Variants in B3GNT2 observed in about 807,000 individuals in gnomAD.
The protein encoded by B3GNT2 is N-acetyllactosaminide beta-1,3-N-acetylglucosaminyltransferase 2.
Under a neutral mutation model 27.6 loss-of-function variants are expected in B3GNT2, and 12 were observed. The ratio of observed to expected loss-of-function variants is 0.44; its 90% confidence interval spans 0.28 to 0.71. B3GNT2 has a LOEUF of 0.71. Ranked by LOEUF, B3GNT2 falls within the 30% of genes least tolerant of loss-of-function variation. B3GNT2 has a pLI of 0.17. For missense variants in B3GNT2, 413 were observed against 488.5 expected (o/e 0.85, Z 1.46); for synonymous variants, 192 against 189.7 (o/e 1.01, Z -0.10).
intron 1 of B3GNT2, among the ~76,000 whole-genome samples, chr2:62,197,706 G>T (rs538898253): frequency 6.6e-6 from 1 of 152,204 alleles, no homozygotes. Flanking sequence ...GGTGGTAAAC[G>T]AGGTGGCCGA....
chr2:62,216,382 G>A (rs1323131032), intron 1 of B3GNT2, among the ~76,000 whole-genome samples: 1 of 151,538 alleles, frequency 6.6e-6, no homozygotes, highest in Non-Finnish European at 1.5e-5. Flanking sequence ...GGGGAGGAGG[G>A]ATCATAGCTT....
Position 62,215,286 on chromosome 2 carries a change from A to G in B3GNT2, c.-9-6926A>G, listed in dbSNP as rs374748535. ...CTGACAATAGTTCTGTGACTTACAGACTGGAGAGCAGAGGTAGACCATCAT... is the reference window on the plus strand; with the variant it reads ...CTGACAATAGTTCTGTGACTTACAGGCTGGAGAGCAGAGGTAGACCATCAT... On this transcript the variant is annotated intron_variant, in intron 1 of 1. Transcript: ENST00000301998. Among the ~76,000 whole-genome samples, 38 of 152,322 alleles carry G rather than the reference A, an allele frequency of 2.5e-4. No individual in the cohort carries two copies. In the South Asian group the frequency reaches 7.0e-3, roughly 28 times the overall value.
intron 1 of B3GNT2, among the ~76,000 whole-genome samples, chr2:62,214,958 C>T (rs1674545721): frequency 6.6e-6 from 1 of 152,120 alleles, no homozygotes; most frequent in South Asian, 2.1e-4. Flanking sequence ...GGCAGAATGG[C>T]CTCTGGGAGG....
chr2:62,197,706 G>C lies in B3GNT2; in HGVS notation c.-10+1351G>C, dbSNP rs538898253. ...ATTTGTGCCTCTGGAGGTGGTAAAC[G>C]AGGTGGCCGACAGGGCCGGGACTGG... On this transcript the variant is annotated intron_variant, in intron 1 of 1. Transcript: ENST00000301998. Among the ~76,000 whole-genome samples, 11 of 152,322 alleles carry C rather than the reference G, an allele frequency of 7.2e-5. No homozygotes were observed. The South Asian group carries it at 2.3e-3, about 32-fold the overall frequency.
chr2:62,222,462 C>CG lies in B3GNT2; in HGVS notation c.247dup (p.Glu83GlyfsTer17). 6.2e-7 allele frequency: 1 copy of CG among 1,614,062 alleles called. No homozygotes were observed. Among genetic ancestry groups the CG allele is most frequent in the Non-Finnish European group, 8.5e-7 (1 of 1,180,000 alleles). The stretch of plus-strand genomic sequence containing the variant: ...ATCCTGAGCATGCTGACCAACCAGA[C>CG]GGGGGAGGCGGGCAGGCTCTCCAAT... On this transcript the variant is annotated frameshift_variant, in exon 2 of 2. Transcript: ENST00000301998. LOFTEE classifies it high-confidence loss of function. This position sits in a 1 kb window ranked among gnomAD's most constrained non-coding sequence, Gnocchi z 4.2.
intron 1 of B3GNT2, among the ~76,000 whole-genome samples, chr2:62,220,907 A>AT (rs1338851094): frequency 6.6e-6 from 1 of 152,190 alleles, no homozygotes; most frequent in Non-Finnish European, 1.5e-5. Flanking sequence ...CTCATTCTTT[A>AT]TTCTTCCATT....
chr2:62,205,316 T>C (rs754176231), intron 1 of B3GNT2, among the ~76,000 whole-genome samples: 18 of 152,252 alleles, frequency 1.2e-4, no homozygotes, highest in Non-Finnish European at 2.6e-4. Flanking sequence ...GAAAGCTATG[T>C]TACTATTGCA....
chr2:62,202,657 G>A (rs1339248968), intron 1 of B3GNT2, among the ~76,000 whole-genome samples: 1 of 152,190 alleles, frequency 6.6e-6, no homozygotes, highest in African/African-American at 2.4e-5. Flanking sequence ...ACCCCGGGCA[G>A]GTCATTGCAG....
chr2:62,197,144 G>A (rs934895293), intron 1 of B3GNT2, among the ~76,000 whole-genome samples: 19 of 152,186 alleles, frequency 1.2e-4, no homozygotes, highest in African/African-American at 3.9e-4. Flanking sequence ...GGGAGCGCCT[G>A]AAGCCGGACT....
At chr2:62,213,273 G>T (rs1442261792) in intron 1 of B3GNT2, among the ~76,000 whole-genome samples, 1 of 152,170 alleles carries the variant, frequency 6.6e-6, no homozygotes, top group Non-Finnish European at 1.5e-5. Context: ...GTCTAGCCTG[G>T]GCGACAGCGG....
intron 1 of B3GNT2, among the ~76,000 whole-genome samples, chr2:62,213,548 C>G (rs1674517269): frequency 6.6e-6 from 1 of 152,152 alleles, no homozygotes; most frequent in African/African-American, 2.4e-5. Context: ...TCCCACACAC[C>G]TGCACACCCA....
In B3GNT2 at chr2:62,224,339, AGATTATTATT is replaced by A. The variant is rs1446226144; in HGVS notation, c.*928_*937del. 6.0e-6 allele frequency: 1 copy of A among 167,074 alleles called. No homozygotes were observed. The highest frequency in any genetic ancestry group is 1.5e-5 in the Non-Finnish European group (1 of 68,122). 10.3% of individuals were successfully genotyped at this position (167,074 alleles called of 1,614,324 possible). A position where few individuals can be genotyped will look rare whatever the true frequency, so the allele number is the denominator to read the frequency against. On this transcript the variant is annotated 3_prime_UTR_variant, in exon 2 of 2. Transcript: ENST00000301998. ...CATATTTTCACATGCTGCTTATACA[AGATTATTATT>A]GAGTAGTAACTGCTTCCCTGTCTAT...
At position 62,223,256 on chromosome 2, in the gene B3GNT2, G is replaced by C. The variant is rs145883014; in HGVS notation, c.1036G>C (p.Val346Leu). 6.2e-7 allele frequency: 1 copy of C among 1,614,112 alleles called. No individual in the cohort carries two copies. Residue 346 changes from valine (V) to leucine (L), a missense_variant, in exon 2 of 2, where the codon GTT becomes CTT. Physicochemically the swap from Val to Leu is conservative, Grantham distance 32. Coordinates refer to ENST00000301998, the MANE Select transcript of B3GNT2 (RefSeq NM_006577.6). ...AATGTGCCTTCAGAAACTCGGCCTC[G>C]TTCCAGAGAAACACAAAGGCTTCAG... ...TGMCLQKLGL[V>L]PEKHKGFRTF...
chr2:62,197,341 C>G (rs1674173444), intron 1 of B3GNT2, among the ~76,000 whole-genome samples: 1 of 152,216 alleles, frequency 6.6e-6, no homozygotes, highest in Admixed American at 6.5e-5. Context: ...CCCTGTACCC[C>G]CATCAAGTAG....
In B3GNT2 at chr2:62,201,208, T is replaced by C. The variant is rs563006456; in HGVS notation, c.-10+4853T>C. On this transcript the variant is annotated intron_variant, in intron 1 of 1. Coordinates refer to ENST00000301998, the MANE Select transcript of B3GNT2 (RefSeq NM_006577.6). ...GAAGACAAATCTTTATTTAATACTT[T>C]GTTGATATAGCTTTAGCTTTAAGAT... Among the ~76,000 whole-genome samples, 12 of 152,344 alleles carry C rather than the reference T, an allele frequency of 7.9e-5. No individual in the cohort carries two copies. In the South Asian group the frequency reaches 2.3e-3, roughly 29 times the overall value.
chr2:62,210,589 C>T (rs1438476102), intron 1 of B3GNT2, among the ~76,000 whole-genome samples: 2 of 151,710 alleles, frequency 1.3e-5, no homozygotes, highest in Non-Finnish European at 2.9e-5. Context: ...GCTAATATAG[C>T]GAAACCCCAT....
At chr2:62,220,730 A>G (rs1366299534) in intron 1 of B3GNT2, among the ~76,000 whole-genome samples, 1 of 150,164 alleles carries the variant, frequency 6.7e-6, no homozygotes, top group East Asian at 1.9e-4. Flanking sequence ...ATAAATTCCC[A>G]GTTGAATTAA....
rs535292628 is a variant in B3GNT2, at chr2:62,210,977, C to T, written c.-9-11235C>T. Reference sequence around the variant, plus strand: ...CGTAATATGTTTCCTCCGGAAGTAACCAGATGATGATGTGTCTAGGAGGGT... The same window carrying T: ...CGTAATATGTTTCCTCCGGAAGTAATCAGATGATGATGTGTCTAGGAGGGT... On this transcript the variant is annotated intron_variant, in intron 1 of 1. Transcript: ENST00000301998. 3.3e-5 allele frequency among the ~76,000 whole-genome samples: 5 copies of T among 152,148 alleles called. No individual in the cohort carries two copies. The East Asian group carries it at 9.6e-4, about 29-fold the overall frequency.
intron 1 of B3GNT2, among the ~76,000 whole-genome samples, chr2:62,219,873 A>T (rs1219902652): frequency 6.6e-6 from 1 of 152,190 alleles, no homozygotes; most frequent in Non-Finnish European, 1.5e-5. Context: ...TGTGGATGCA[A>T]TCAAAGCCAT....
Sources: gnomAD v4.1 joint callset for allele counts (sites outside exome capture counted in the v4.1 genomes callset) on GRCh38, gnomAD v4.1.1 for gene constraint, Gnocchi (gnomAD v3.1) non-coding constraint, MANE v1.5 for transcripts, NCBI Gene and HGNC (gene_info 2026-07-23, HGNC 2026-07-21) for gene names.